The following LARGE1 variants were observed in gnomAD, a reference collection of about 807,000 sequenced individuals.
LARGE1 encodes xylosyl- and glucuronyltransferase LARGE1.
Under a neutral mutation model 87.6 loss-of-function variants are expected in LARGE1, and 43 were observed. That is an observed-to-expected ratio of 0.49 (90% confidence interval 0.38 to 0.63). The LOEUF (loss-of-function observed/expected upper bound fraction) is 0.63. LARGE1 is among the 30% of genes least tolerant of loss of function. The probability of loss-of-function intolerance (pLI) is 0.00; values close to 1 mark genes in which losing one functional copy is unlikely to be tolerated. For missense variants in LARGE1, 802 were observed against 1,000.2 expected (o/e 0.80, Z 2.67); for synonymous variants, 434 against 394.6 (o/e 1.10, Z -1.18).
chr22:33,108,031 T>G, the LARGE1 span, among the ~76,000 whole-genome samples: 3 of 152,164 alleles, frequency 2.0e-5, no homozygotes, highest in South Asian at 6.2e-4. Flanking sequence ...GAATAAAATG[T>G]ACTATATTAT....
intron 2 of LARGE1, among the ~76,000 whole-genome samples, chr22:33,701,187 T>C (rs2082396149): frequency 1.3e-5 from 2 of 152,026 alleles, no homozygotes; most frequent in African/African-American, 4.8e-5. Flanking sequence ...TGAAGATGCT[T>C]GGAAATGATG....
At chr22:33,420,380 T>C (rs895531286) in intron 7 of LARGE1, among the ~76,000 whole-genome samples, 4 of 152,044 alleles carry the variant, frequency 2.6e-5, no homozygotes, top group Admixed American at 6.6e-5. Flanking sequence ...TATATCCTCA[T>C]GGAAAGACAC....
chr22:33,740,115 A>C (rs1263125879), intron 2 of LARGE1, among the ~76,000 whole-genome samples: 1 of 152,122 alleles, frequency 6.6e-6, no homozygotes, highest in African/African-American at 2.4e-5. Flanking sequence ...ACAGACCTTG[A>C]CCATCGCTTC....
intron 11 of LARGE1, among the ~76,000 whole-genome samples, chr22:33,265,235 G>T (rs1015509221): frequency 6.6e-6 from 1 of 152,030 alleles, no homozygotes; most frequent in African/African-American, 2.4e-5. Context: ...CACCTTTGGG[G>T]TCTAAGTTCT....
At chr22:33,221,126 T>C (rs1925434843) in intron 11 of LARGE1, among the ~76,000 whole-genome samples, 1 of 151,998 alleles carries the variant, frequency 6.6e-6, no homozygotes, top group Admixed American at 6.6e-5. Flanking sequence ...TATAAAATTA[T>C]AATGTCCTTC....
intron 2 of LARGE1, among the ~76,000 whole-genome samples, chr22:33,682,310 T>C: frequency 6.6e-6 from 1 of 152,206 alleles, no homozygotes; most frequent in East Asian, 1.9e-4. Context: ...GTGAAAATTG[T>C]ACCTTGGGAT....
chr22:33,420,925 T>C (rs2066668836), intron 7 of LARGE1, among the ~76,000 whole-genome samples: 5 of 152,148 alleles, frequency 3.3e-5, no homozygotes, highest in South Asian at 2.1e-4. Context: ...CGGTGGCTCA[T>C]GCCTGTAATC....
chr22:33,278,689 A>G (rs1569006082), intron 13 of LARGE1, among the ~76,000 whole-genome samples: 1 of 152,116 alleles, frequency 6.6e-6, no homozygotes, highest in African/African-American at 2.4e-5. Flanking sequence ...CTCAAAGGCC[A>G]GGAGCCTCCT....
At chr22:33,555,371 A>G (rs2077644780) in intron 6 of LARGE1, among the ~76,000 whole-genome samples, 1 of 152,068 alleles carries the variant, frequency 6.6e-6, no homozygotes, top group South Asian at 2.1e-4. Context: ...TTGATAAGTA[A>G]TTAGATATTC....
the LARGE1 span, among the ~76,000 whole-genome samples, chr22:33,131,436 T>G: frequency 6.6e-5 from 10 of 152,288 alleles, no homozygotes; most frequent in East Asian, 1.9e-3. Context: ...CCTAGCCTCC[T>G]GTATTAGTCT....
chr22:33,904,963 AG>A lies in LARGE1; in HGVS notation c.-83+15031del, dbSNP rs534103421. Among the ~76,000 whole-genome samples the A allele has an allele frequency of 5.9e-5, 9 of 152,184 alleles. No individual in the cohort carries two copies. The East Asian group carries it at 1.5e-3, about 26-fold the overall frequency. ...ATGGAAAAAAATATTCAGGTGTATA[AG>A]GGTCTATGGCAGAAATCAACTTAAA... is the stretch of plus-strand genomic sequence containing the variant. On this transcript the variant is annotated intron_variant, in intron 1 of 14. Coordinates refer to ENST00000397394, the MANE Select transcript of LARGE1 (RefSeq NM_133642.5).
At position 33,311,109 on chromosome 22, in the gene LARGE1, C is replaced by T. The variant is rs572343054; in HGVS notation, c.1451+4976G>A. Among the ~76,000 whole-genome samples the T allele has an allele frequency of 8.5e-5, 13 of 152,162 alleles. No homozygotes were observed. The South Asian group carries it at 1.9e-3, about 22-fold the overall frequency. On this transcript the variant is annotated intron_variant, in intron 11 of 14. Transcript: ENST00000397394. ...CCGTGTAGCTGGGACTACAGGCGCC[C>T]GCCACCATGCCAGGCTAATTTTTTG...
chr22:33,094,126 A>C, the LARGE1 span, among the ~76,000 whole-genome samples: 1 of 152,024 alleles, frequency 6.6e-6, no homozygotes. Context: ...CTTTTGGGAA[A>C]TCATTTTCTG....
chr22:33,308,456 A>G (rs1476439735), intron 11 of LARGE1, among the ~76,000 whole-genome samples: 1 of 152,216 alleles, frequency 6.6e-6, no homozygotes, highest in African/African-American at 2.4e-5. Flanking sequence ...CAATTTGCAC[A>G]TATGTATTTT....
chr22:33,094,946 C>T, the LARGE1 span, among the ~76,000 whole-genome samples: 14 of 152,144 alleles, frequency 9.2e-5, no homozygotes, highest in Non-Finnish European at 4.4e-5. Flanking sequence ...CTTGAACTCC[C>T]GACCTCCAGT....
At chr22:33,115,344 T>C in the LARGE1 span, among the ~76,000 whole-genome samples, 40 of 150,480 alleles carry the variant, frequency 2.7e-4, no homozygotes, top group Middle Eastern at 3.4e-3. Flanking sequence ...TTTGGGAGGA[T>C]GAGGAGGATG....
At chr22:33,304,936 C>T (rs1329168520) in intron 11 of LARGE1, among the ~76,000 whole-genome samples, 3 of 152,138 alleles carry the variant, frequency 2.0e-5, no homozygotes, top group Admixed American at 6.6e-5. Flanking sequence ...TTACAAGGAA[C>T]GGTAAAATAA....
At chr22:33,772,255 C>T (rs149084252) in intron 1 of LARGE1, among the ~76,000 whole-genome samples, 1,932 of 152,074 alleles carry the variant, frequency 0.013, 46 homozygotes, top group African/African-American at 0.045. Context: ...ATGGTGTGAA[C>T]GCAGGAGGCA....
At chr22:33,657,937 G>GA (rs201427735) in intron 2 of LARGE1, among the ~76,000 whole-genome samples, 2,836 of 140,852 alleles carry the variant, frequency 0.02, 56 homozygotes, top group African/African-American at 0.058. Flanking sequence ...TTTGACTAAT[G>GA]AAAAAAAAAA....
Sources: allele counts gnomAD v4.1 joint callset (sites outside exome capture counted in the v4.1 genomes callset), GRCh38; gene constraint gnomAD v4.1.1; transcripts MANE v1.5; gene names NCBI Gene and HGNC (gene_info 2026-07-23, HGNC 2026-07-21).